ZNF385D: variants seen among roughly 807,000 people sequenced by gnomAD.
The protein encoded by ZNF385D is zinc finger protein 659.
A neutral mutation model predicts 35.8 loss-of-function variants in ZNF385D; 15 were observed. That is an observed-to-expected ratio of 0.42 (90% CI 0.28 to 0.64). The LOEUF (loss-of-function observed/expected upper bound fraction) is 0.64. Among genes scored for constraint, ZNF385D ranks in the 30% least tolerant of loss-of-function variants. The pLI is 0.23. For missense variants in ZNF385D, 474 were observed against 494.6 expected, an observed-to-expected ratio of 0.96 and a Z score of 0.39; for synonymous variants, 212 against 186.8, an observed-to-expected ratio of 1.13 and a Z score of -1.10.
rs569059425 is a variant in ZNF385D, at chr3:22,111,164, T to G, written c.325+57653A>C. On this transcript the variant is annotated intron_variant, in intron 3 of 5. Transcript: ENST00000494108. ...GGCTCCATGTTGGATTTTTTTTTTTTTTTTTTTTTTTTGTTTTTTTTGTAC... is the reference window on the plus strand; with the variant it reads ...GGCTCCATGTTGGATTTTTTTTTTTGTTTTTTTTTTTTGTTTTTTTTGTAC... 6.6e-5 allele frequency among the ~76,000 whole-genome samples: 6 copies of G among 90,484 alleles called. 1 individual carries two copies. In the South Asian group the frequency reaches 1.7e-3, roughly 26 times the overall value. 59.4% of individuals were successfully genotyped at this position (90,484 alleles called of 152,430 possible). A position where few individuals can be genotyped will look rare whatever the true frequency, so the allele number is the denominator to read the frequency against.
chr3:22,323,312 G>T (rs940986365), intron 2 of ZNF385D, among the ~76,000 whole-genome samples: 1 of 152,026 alleles, frequency 6.6e-6, no homozygotes, highest in Non-Finnish European at 1.5e-5. Context: ...TATGCCCATC[G>T]TTGATAAAAC....
intron 2 of ZNF385D, among the ~76,000 whole-genome samples, chr3:22,223,500 G>T (rs961485084): frequency 1.3e-5 from 2 of 151,900 alleles, no homozygotes; most frequent in African/African-American, 4.8e-5. Flanking sequence ...GTAAATTGGG[G>T]GTGTAATAGT....
intron 3 of ZNF385D, among the ~76,000 whole-genome samples, chr3:22,167,590 T>A (rs947941699): frequency 3.3e-5 from 5 of 152,094 alleles, no homozygotes; most frequent in African/African-American, 7.2e-5. Context: ...TGCCCTCTAA[T>A]AAGCAGAGGG....
intron 3 of ZNF385D, among the ~76,000 whole-genome samples, chr3:21,959,316 A>G (rs1224901776): frequency 6.6e-6 from 1 of 152,176 alleles, no homozygotes; most frequent in Non-Finnish European, 1.5e-5. Flanking sequence ...ACAAATGAAG[A>G]TGCTGAATGC....
chr3:22,184,895 C>T (rs1331007252), intron 2 of ZNF385D, among the ~76,000 whole-genome samples: 1 of 152,062 alleles, frequency 6.6e-6, no homozygotes, highest in East Asian at 1.9e-4. Flanking sequence ...CCATAGATAC[C>T]TGTTTTTAAA....
intron 3 of ZNF385D, among the ~76,000 whole-genome samples, chr3:22,094,624 A>C (rs1015542390): frequency 5.3e-5 from 8 of 151,978 alleles, no homozygotes; most frequent in African/African-American, 1.9e-4. Context: ...CATCTCAGCC[A>C]TCCCAGTGAG....
intron 3 of ZNF385D, among the ~76,000 whole-genome samples, chr3:21,926,366 G>A (rs146511445): frequency 3.9e-5 from 6 of 152,098 alleles, no homozygotes; most frequent in Non-Finnish European, 8.8e-5. Context: ...TCCCACTTAT[G>A]AGTGAGAACA....
chr3:21,982,004 C>T lies in ZNF385D; in HGVS notation c.325+186813G>A, dbSNP rs374250704. On this transcript the variant is annotated intron_variant, in intron 3 of 5. Coordinates refer to the ZNF385D transcript ENST00000494108. Reference sequence around the variant, plus strand: ...TTTGAAGTCAGGTAACATGATGCCTCCAGCTTTGTTCTTTGTGCTTAGGAT... The same window carrying T: ...TTTGAAGTCAGGTAACATGATGCCTTCAGCTTTGTTCTTTGTGCTTAGGAT... Among the ~76,000 whole-genome samples the T allele has an allele frequency of 2.0e-4, 31 of 151,382 alleles. No homozygotes were observed. The South Asian group carries it at 6.5e-3, about 31-fold the overall frequency.
At chr3:22,085,239 C>G (rs141921220) in intron 3 of ZNF385D, among the ~76,000 whole-genome samples, 1 of 152,016 alleles carries the variant, frequency 6.6e-6, no homozygotes, top group Non-Finnish European at 1.5e-5. Context: ...CAGAGCAGAA[C>G]TGAAGGAGAT....
chr3:22,017,519 T>C (rs570910973), intron 3 of ZNF385D, among the ~76,000 whole-genome samples: 1 of 152,146 alleles, frequency 6.6e-6, no homozygotes, highest in South Asian at 2.1e-4. Flanking sequence ...TTAGCTTTTA[T>C]ATTTATTCTG....
At chr3:21,901,171 A>T (rs1699392998) in intron 3 of ZNF385D, among the ~76,000 whole-genome samples, 1 of 152,204 alleles carries the variant, frequency 6.6e-6, no homozygotes, top group African/African-American at 2.4e-5. Flanking sequence ...AGATGATAAA[A>T]TTAAAAGGCT....
chr3:21,961,306 C>A (rs1307880831), intron 3 of ZNF385D: 1 of 152,038 alleles, frequency 6.6e-6, no homozygotes, highest in Non-Finnish European at 1.5e-5. Context: ...CAGAAACTTA[C>A]AGGAATTTTC....
chr3:22,085,947 T>C lies in ZNF385D; in HGVS notation c.325+82870A>G, dbSNP rs552306081. Among the ~76,000 whole-genome samples the C allele has an allele frequency of 4.8e-3, 727 of 152,110 alleles. 11 individuals carry two copies. Among genetic ancestry groups the C allele is most frequent in the African/African-American group, 0.016 (659 of 41,540 alleles). On this transcript the variant is annotated intron_variant, in intron 3 of 5. Transcript: ENST00000494108. The stretch of plus-strand genomic sequence containing the variant: ...TCCATCACATAAACACAACCAATGA[T>C]AGAAACCACGATTATCTCAATAGAT...
intron 2 of ZNF385D, among the ~76,000 whole-genome samples, chr3:21,565,748 A>G (rs1457249838): frequency 6.6e-6 from 1 of 152,212 alleles, no homozygotes; most frequent in East Asian, 1.9e-4. Flanking sequence ...CACTATACTC[A>G]TTGTTGGCAC....
chr3:21,901,201 G>A (rs758041882), intron 3 of ZNF385D, among the ~76,000 whole-genome samples: 5 of 151,978 alleles, frequency 3.3e-5, no homozygotes, highest in South Asian at 2.1e-4. Flanking sequence ...GTCATAGAAC[G>A]GTTAAATCCT....
intron 3 of ZNF385D, among the ~76,000 whole-genome samples, chr3:21,518,071 C>T (rs1707689119): frequency 6.6e-6 from 1 of 152,168 alleles, no homozygotes; most frequent in Admixed American, 6.6e-5. Context: ...AACTATTCAT[C>T]TTAAGTATAA....
intron 3 of ZNF385D, among the ~76,000 whole-genome samples, chr3:21,825,171 C>A (rs1694519397): frequency 6.6e-6 from 1 of 152,094 alleles, no homozygotes; most frequent in Non-Finnish European, 1.5e-5. Flanking sequence ...CAAACGCAAA[C>A]CAGAAAAAAA....
intron 3 of ZNF385D, among the ~76,000 whole-genome samples, chr3:22,109,709 C>T (rs915906816): frequency 1.6e-4 from 24 of 152,020 alleles, no homozygotes; most frequent in Non-Finnish European, 2.1e-4. Flanking sequence ...TAGGATAGTT[C>T]AACTCTGGGC....
chr3:21,575,723 C>T (rs2063478321), intron 2 of ZNF385D, among the ~76,000 whole-genome samples: 1 of 152,116 alleles, frequency 6.6e-6, no homozygotes. Context: ...CACTCCACAC[C>T]ATCTGAAAAT....
Sources: allele counts gnomAD v4.1 joint callset (sites outside exome capture counted in the v4.1 genomes callset), GRCh38; gene constraint gnomAD v4.1.1; transcripts MANE v1.5; gene names NCBI Gene and HGNC (gene_info 2026-07-23, HGNC 2026-07-21).